The following PCDH15 variants were observed in gnomAD, a reference collection of about 807,000 sequenced individuals.
PCDH15 encodes the protein protocadherin related 15.
In PCDH15, 129 loss-of-function variants were observed where a neutral mutation model predicts 178.5. That is an observed-to-expected ratio of 0.72 (90% confidence interval 0.63 to 0.84). PCDH15 has a LOEUF of 0.84. PCDH15 is among the 40% of genes least tolerant of loss of function. The pLI, the probability that PCDH15 is intolerant of heterozygous loss-of-function variation, is 0.00. For missense variants in PCDH15, 2,230 were observed against 2,099.9 expected (o/e 1.06, Z -1.21); for synonymous variants, 800 against 732.0 (o/e 1.09, Z -1.50).
chr10:55,471,624 C>T (rs1839957163), intron 2 of PCDH15, among the ~76,000 whole-genome samples: 1 of 152,214 alleles, frequency 6.6e-6, no homozygotes, highest in Non-Finnish European at 1.5e-5. Flanking sequence ...TGGTCTCGAA[C>T]TCCCAACCTA....
At chr10:54,985,086 C>A (rs1427776475) in intron 2 of PCDH15, among the ~76,000 whole-genome samples, 2 of 152,056 alleles carry the variant, frequency 1.3e-5, no homozygotes, top group African/African-American at 2.4e-5. Flanking sequence ...TAGGCTAAAC[C>A]ACGTGTAAAA....
intron 2 of PCDH15, among the ~76,000 whole-genome samples, chr10:54,574,123 T>C (rs1010055564): frequency 7.2e-5 from 11 of 151,904 alleles, no homozygotes; most frequent in African/African-American, 2.7e-4. Context: ...TGAATGGTAA[T>C]GCCTAGGTTT....
At chr10:54,607,777 T>C in intron 2 of PCDH15, 1 of 475,232 alleles carries the variant, frequency 2.1e-6, no homozygotes, top group South Asian at 1.6e-5. Flanking sequence ...GCTTTTACTG[T>C]CTACTACAAA....
chr10:54,690,200 T>C (rs545742637), intron 1 of PCDH15, among the ~76,000 whole-genome samples: 1 of 152,314 alleles, frequency 6.6e-6, no homozygotes, highest in East Asian at 1.9e-4. Context: ...GGTGTTAACC[T>C]ACTGCACTGC....
chr10:54,906,518 T>C (rs1236428019), intron 2 of PCDH15, among the ~76,000 whole-genome samples: 1 of 152,176 alleles, frequency 6.6e-6, no homozygotes, highest in Admixed American at 6.5e-5. Flanking sequence ...CTATGTTTAA[T>C]TTCATAATTT....
At chr10:54,727,506 C>T (rs1320972077) in intron 1 of PCDH15, among the ~76,000 whole-genome samples, 2 of 151,058 alleles carry the variant, frequency 1.3e-5, no homozygotes, top group East Asian at 3.9e-4. Flanking sequence ...AGATTTCACA[C>T]TAACAACCTA....
intron 3 of PCDH15, among the ~76,000 whole-genome samples, chr10:54,519,650 T>C (rs1370046486): frequency 7.2e-5 from 11 of 152,148 alleles, no homozygotes; most frequent in African/African-American, 2.7e-4. Context: ...AGGTAATTTA[T>C]AGATTCAATG....
chr10:54,955,309 C>T (rs1009066941), intron 2 of PCDH15, among the ~76,000 whole-genome samples: 1 of 151,030 alleles, frequency 6.6e-6, no homozygotes, highest in African/African-American at 2.4e-5. Context: ...TTCTTTTTAC[C>T]TCATCTGTAA....
At chr10:54,379,064 A>G (rs1948852853) in intron 3 of PCDH15, 122 bp from the exon 4 acceptor site, 1 of 984,624 alleles carries the variant, frequency 1.0e-6, no homozygotes, top group Non-Finnish European at 1.6e-6. Flanking sequence ...ACTCAACTGT[A>G]TATCTAGCAT....
chr10:54,199,184 TG>T (rs2049985884), intron 10 of PCDH15, among the ~76,000 whole-genome samples: 5 of 152,158 alleles, frequency 3.3e-5, no homozygotes, highest in Admixed American at 3.3e-4. Flanking sequence ...TTAATATTTT[TG>T]GATTGCTACT....
intron 3 of PCDH15, among the ~76,000 whole-genome samples, chr10:54,411,952 A>C (rs1031383646): frequency 6.6e-6 from 1 of 152,166 alleles, no homozygotes; most frequent in African/African-American, 2.4e-5. Context: ...GGGAGTATAG[A>C]AATTTGAATA....
At chr10:54,319,089 G>C (rs2061440816) in intron 7 of PCDH15, among the ~76,000 whole-genome samples, 2 of 152,156 alleles carry the variant, frequency 1.3e-5, no homozygotes, top group African/African-American at 4.8e-5. Context: ...GTCAAGGGTG[G>C]TGGTGGTAGC....
At chr10:54,156,629 C>G (rs2045179478) in intron 13 of PCDH15, among the ~76,000 whole-genome samples, 1 of 152,192 alleles carries the variant, frequency 6.6e-6, no homozygotes, top group Non-Finnish European at 1.5e-5. Flanking sequence ...CCATATCATT[C>G]CAACCCTGGC....
intron 2 of PCDH15, among the ~76,000 whole-genome samples, chr10:55,401,309 C>T (rs1378611519): frequency 2.0e-5 from 3 of 151,790 alleles, no homozygotes; most frequent in Non-Finnish European, 4.4e-5. Flanking sequence ...GCCTGGGCAG[C>T]CTGGTAAACC....
At chr10:53,971,429 T>C (rs1369580149) in intron 21 of PCDH15, among the ~76,000 whole-genome samples, 2 of 152,228 alleles carry the variant, frequency 1.3e-5, no homozygotes, top group African/African-American at 4.8e-5. Flanking sequence ...TGTTGGAATT[T>C]CTGGCTAGGG....
Position 54,789,575 on chromosome 10 carries a change from A to G in PCDH15, c.-29+11350T>C, listed in dbSNP as rs567674243. On this transcript the variant is annotated intron_variant, in intron 1 of 37. Coordinates refer to ENST00000644397, the MANE Select transcript of PCDH15 (RefSeq NM_001384140.1). The stretch of plus-strand genomic sequence containing the variant: ...GCAACAATCATAATCACTATTTTAC[A>G]GTGAAAATTGGCATATTTATGATAT... Among the ~76,000 whole-genome samples, 8 of 152,056 alleles carry G rather than the reference A, an allele frequency of 5.3e-5. 1 individual carries two copies. The South Asian group carries it at 1.7e-3, about 31-fold the overall frequency.
At chr10:55,408,855 T>C (rs1419346889) in intron 2 of PCDH15, among the ~76,000 whole-genome samples, 4 of 152,168 alleles carry the variant, frequency 2.6e-5, no homozygotes, top group Admixed American at 2.0e-4. Context: ...ATCTGCACTA[T>C]GACAAACCCG....
chr10:54,035,298 C>T lies in PCDH15; in HGVS notation c.2221-12101G>A, dbSNP rs574762302. On this transcript the variant is annotated intron_variant, in intron 18 of 37. Coordinates refer to ENST00000644397, the MANE Select transcript of PCDH15 (RefSeq NM_001384140.1). The stretch of plus-strand genomic sequence containing the variant: ...CGTTGCATTTTTTACAAATTGAAGG[C>T]TTCTGACAAAGATGCCTTAAGCAAA... 7.2e-5 allele frequency among the ~76,000 whole-genome samples: 11 copies of T among 151,982 alleles called. No homozygotes were observed. The South Asian group carries it at 1.4e-3, about 20-fold the overall frequency.
At chr10:55,420,102 T>C (rs1159289925) in intron 2 of PCDH15, among the ~76,000 whole-genome samples, 2 of 151,736 alleles carry the variant, frequency 1.3e-5, no homozygotes, top group South Asian at 2.1e-4. Context: ...ACATATTGCT[T>C]ATACTCCTCA....
Sources: gnomAD v4.1 joint callset for allele counts (sites outside exome capture counted in the v4.1 genomes callset) on GRCh38, gnomAD v4.1.1 for gene constraint, MANE v1.5 for transcripts, NCBI Gene and HGNC (gene_info 2026-07-23, HGNC 2026-07-21) for gene names.